BICC1: variants seen among roughly 807,000 people sequenced by gnomAD.
BICC1 encodes BicC family RNA binding protein 1.
In BICC1, 43 loss-of-function variants were observed where a neutral mutation model predicts 111.0. The observed-to-expected ratio is 0.39, with a 90% CI of 0.30 to 0.50. The LOEUF (loss-of-function observed/expected upper bound fraction) is 0.50. Among genes scored for constraint, BICC1 ranks in the 20% least tolerant of loss-of-function variants. The pLI is 0.88. For synonymous variants in BICC1, 467 were observed against 434.4 expected (o/e 1.07, Z -0.93); for missense variants, 1,091 against 1,203.2 (o/e 0.91, Z 1.38).
intron 3 of BICC1, among the ~76,000 whole-genome samples, chr10:58,718,991 A>C (rs551072227): frequency 4.6e-5 from 7 of 152,166 alleles, no homozygotes; most frequent in Non-Finnish European, 4.4e-5. Context: ...ATTTTTTCTA[A>C]TCCATTATAT....
intron 2 of BICC1, among the ~76,000 whole-genome samples, chr10:58,641,292 T>C (rs907734324): frequency 6.6e-6 from 1 of 152,208 alleles, no homozygotes; most frequent in Admixed American, 6.5e-5. Context: ...TTGGACAGGC[T>C]CGGGGTTTTG....
intron 2 of BICC1, among the ~76,000 whole-genome samples, chr10:58,698,860 C>T (rs1840144163): frequency 6.6e-6 from 1 of 152,182 alleles, no homozygotes; most frequent in African/African-American, 2.4e-5. Flanking sequence ...ATTCGCTCAA[C>T]ACAGCACCCC....
At chr10:58,589,333 T>C (rs1844529443) in intron 1 of BICC1, among the ~76,000 whole-genome samples, 1 of 152,168 alleles carries the variant, frequency 6.6e-6, no homozygotes, top group African/African-American at 2.4e-5. Flanking sequence ...AACACATGGG[T>C]AGAACTGCTT....
chr10:58,577,699 C>T (rs1476306938), intron 1 of BICC1, among the ~76,000 whole-genome samples: 1 of 152,154 alleles, frequency 6.6e-6, no homozygotes, highest in Non-Finnish European at 1.5e-5. Flanking sequence ...CTTTCTGAAG[C>T]TGCTTTGAGT....
At chr10:58,514,226 G>T (rs1326222836) in intron 1 of BICC1, among the ~76,000 whole-genome samples, 2 of 152,132 alleles carry the variant, frequency 1.3e-5, no homozygotes, top group African/African-American at 4.8e-5. Context: ...CCACCGATGT[G>T]GCTCATTTCC....
chr10:58,537,902 T>C (rs12261597), intron 1 of BICC1, among the ~76,000 whole-genome samples: 74,313 of 151,482 alleles, frequency 0.49, 18,465 homozygotes, highest in South Asian at 0.55. Flanking sequence ...TATTTAGGAA[T>C]ATATATAACC....
intron 3 of BICC1, among the ~76,000 whole-genome samples, chr10:58,748,787 TCTAA>T (rs1305083464): frequency 6.6e-6 from 1 of 152,142 alleles, no homozygotes; most frequent in Non-Finnish European, 1.5e-5. Flanking sequence ...CCCCTGAGAC[TCTAA>T]CTAAGTGGGG....
rs569123103 is a variant in BICC1, at chr10:58,766,429, C to T, written c.308-18572C>T. Among the ~76,000 whole-genome samples, 17 of 151,924 alleles carry T rather than the reference C, an allele frequency of 1.1e-4. No homozygotes were observed. In the East Asian group the frequency reaches 1.2e-3, roughly 10 times the overall value. On this transcript the variant is annotated intron_variant, in intron 3 of 20. Coordinates refer to ENST00000373886, the MANE Select transcript of BICC1 (RefSeq NM_001080512.3). ...AGGGAGAGTAATTAGGGGGCGGGCA[C>T]GAGAGAAAAGCATACACTTTTTTAT...
chr10:58,513,262 C>A lies in BICC1; in HGVS notation c.119C>A (p.Thr40Asn). 1 of 1,613,182 alleles carries A rather than the reference C, an allele frequency of 6.2e-7. No homozygotes were observed. Among genetic ancestry groups the A allele is most frequent in the African/African-American group, 1.3e-5 (1 of 75,030 alleles). ...GSEDDLVAGA[T>N]LHSPEWSEER... ...GAGGACGACTTGGTCGCCGGGGCGACCCTGCACAGCCCGGAGTGGAGCGAG... is the reference window on the plus strand; with the variant it reads ...GAGGACGACTTGGTCGCCGGGGCGAACCTGCACAGCCCGGAGTGGAGCGAG... Residue 40 changes from threonine (T) to asparagine (N), a missense_variant, in exon 1 of 21, where the codon ACC (threonine) becomes AAC (asparagine). Physicochemically the swap from Thr to Asn is moderately conservative, Grantham distance 65. Coordinates refer to ENST00000373886, the MANE Select transcript of BICC1 (RefSeq NM_001080512.3).
chr10:58,814,026 G>T (rs1844003267), intron 18 of BICC1, 40 bp downstream of exon 18: 2 of 1,608,516 alleles, frequency 1.2e-6, no homozygotes, highest in African/African-American at 2.7e-5. Context: ...GGTATCCCCA[G>T]ATTAGAATGT....
At chr10:58,645,772 C>T (rs558997192) in intron 2 of BICC1, among the ~76,000 whole-genome samples, 3 of 152,202 alleles carry the variant, frequency 2.0e-5, no homozygotes, top group Non-Finnish European at 2.9e-5. Context: ...AGATTGTGGG[C>T]AGATCATTTG....
chr10:58,723,662 G>C (rs1198146091), intron 3 of BICC1, among the ~76,000 whole-genome samples: 1 of 152,174 alleles, frequency 6.6e-6, no homozygotes, highest in Admixed American at 6.5e-5. Context: ...AGGCTAGAGA[G>C]GGCAGGGGCT....
At chr10:58,529,627 T>TAA (rs1842629475) in intron 1 of BICC1, among the ~76,000 whole-genome samples, 1 of 151,892 alleles carries the variant, frequency 6.6e-6, no homozygotes, top group African/African-American at 2.4e-5. Flanking sequence ...GCAGGAGGAA[T>TAA]CATGTAAAGA....
intron 6 of BICC1, 147 bp from the exon 7 acceptor site, chr10:58,789,115 A>AT (rs1843098592): frequency 1.6e-6 from 1 of 638,370 alleles, no homozygotes; most frequent in Non-Finnish European, 2.5e-6. Flanking sequence ...AAAAAAAAAA[A>AT]CTTTATATAA....
Position 58,732,353 on chromosome 10 carries a change from ATGTGTG to A in BICC1, c.307+30228_307+30233del, listed in dbSNP as rs371077730. On this transcript the variant is annotated intron_variant, in intron 3 of 20. Transcript: ENST00000373886. ...AGAGAAAGAAGAGGAAGAGGAGTGT[ATGTGTG>A]TGTGTGTGTGTGTGTGTATGTATAT... Among the ~76,000 whole-genome samples the A allele has an allele frequency of 3.5e-4, 29 of 82,104 alleles. 1 individual carries two copies. Among genetic ancestry groups the A allele is most frequent in the African/African-American group, 1.3e-3 (21 of 16,284 alleles). The allele number at this position is 82,104 out of a possible 152,430, so 53.9% of individuals were successfully genotyped here.
chr10:58,704,976 T>C (rs1430113361), intron 3 of BICC1, among the ~76,000 whole-genome samples: 2 of 152,248 alleles, frequency 1.3e-5, no homozygotes, highest in African/African-American at 4.8e-5. Context: ...CTGTCTAAAC[T>C]TTACTTTTTA....
chr10:58,783,591 C>A (rs552919181), intron 3 of BICC1, among the ~76,000 whole-genome samples: 6 of 120,404 alleles, frequency 5.0e-5, no homozygotes, highest in African/African-American at 1.8e-4. Flanking sequence ...AGGATTCAGG[C>A]GGAACTGGTG....
At chr10:58,625,014 ATG>A (rs1272112446) in intron 2 of BICC1, among the ~76,000 whole-genome samples, 1 of 152,222 alleles carries the variant, frequency 6.6e-6, no homozygotes, top group African/African-American at 2.4e-5. Flanking sequence ...AGATTAAACT[ATG>A]TATTTGCATT....
intron 3 of BICC1, among the ~76,000 whole-genome samples, chr10:58,757,045 A>C (rs1382867070): frequency 6.6e-6 from 1 of 152,218 alleles, no homozygotes; most frequent in Non-Finnish European, 1.5e-5. Flanking sequence ...TACTCTAATA[A>C]CAAAGCCCTT....
Sources: gnomAD v4.1 joint callset for allele counts (sites outside exome capture counted in the v4.1 genomes callset) on GRCh38, gnomAD v4.1.1 for gene constraint, MANE v1.5 for transcripts, NCBI Gene and HGNC (gene_info 2026-07-23, HGNC 2026-07-21) for gene names.